The following C21orf58 variants were observed in gnomAD, a reference collection of about 807,000 sequenced individuals.
The protein encoded by C21orf58 is chromosome 21 open reading frame 58, also known as uncharacterized protein C21orf58.
C21orf58 carries 34 observed loss-of-function variants against 35.8 expected under a neutral mutation model. The ratio of observed to expected loss-of-function variants is 0.95; its 90% CI spans 0.72 to 1.26. C21orf58 has a LOEUF of 1.26. Ranked by LOEUF, C21orf58 falls within the 50% of genes most tolerant of loss-of-function variation. C21orf58 has a pLI of 0.00. For missense variants in C21orf58, 440 were observed against 414.3 expected (o/e 1.06, Z -0.54); for synonymous variants, 191 against 175.8 (o/e 1.09, Z -0.68).
chr21:46,310,492 A>T (rs1015240195), intron 6 of C21orf58, among the ~76,000 whole-genome samples: 7 of 146,586 alleles, frequency 4.8e-5, no homozygotes, highest in African/African-American at 1.9e-4. Context: ...CAAAAAAAAT[A>T]AAAATAAAAA....
At chr21:46,318,823 AG>A (rs1452028136) in intron 1 of C21orf58, 1 of 987,348 alleles carries the variant, frequency 1.0e-6, no homozygotes, top group Non-Finnish European at 1.2e-6. Context: ...TCAAGTTTGC[AG>A]GAAGCTTCGC....
chr21:46,317,084 C>A (rs569676257), intron 3 of C21orf58, 124 bp downstream of exon 3: 2 of 748,854 alleles, frequency 2.7e-6, no homozygotes, highest in African/African-American at 1.8e-5. Flanking sequence ...ACAATCTCGC[C>A]GGTACCAGGA....
chr21:46,305,666 G>A lies in C21orf58; in HGVS notation c.722-3090C>T, dbSNP rs539559669. Among the ~76,000 whole-genome samples the A allele has an allele frequency of 3.8e-3, 581 of 152,192 alleles. 16 individuals are homozygous for A. In the South Asian group the frequency reaches 0.056, roughly 15 times the overall value. The stretch of plus-strand genomic sequence containing the variant: ...TTTAAAAAAAGAATCTTGGCCGGGC[G>A]CGGTGGCTCACGCCTGTAATCCCAG... On this transcript the variant is annotated intron_variant, in intron 6 of 7. Transcript: ENST00000291691.
chr21:46,300,676 C>T, downstream of C21orf58: 1 of 1,276,204 alleles, frequency 7.8e-7, no homozygotes, highest in Non-Finnish European at 1.0e-6. Flanking sequence ...CCCTGGGGAG[C>T]TCTGCAGCTC....
Position 46,315,241 on chromosome 21 carries a change from G to C in C21orf58, c.444+233C>G, listed in dbSNP as rs543981387. The C allele has an allele frequency of 2.7e-5, 16 of 596,974 alleles. No individual in the cohort carries two copies. The East Asian group carries it at 4.5e-4, about 17-fold the overall frequency. 37.0% of individuals were successfully genotyped at this position (596,974 alleles called of 1,614,324 possible). ...TGAGTGCCGTGGGAGCAAACCTCCA[G>C]GCATCCCAGAATTTCAGGTCCTCCT... is the stretch of plus-strand genomic sequence containing the variant. On this transcript the variant is annotated intron_variant, in intron 4 of 7. Transcript: ENST00000291691.
chr21:46,321,140 T>C (rs1436506385), intron 1 of C21orf58, among the ~76,000 whole-genome samples: 1 of 152,130 alleles, frequency 6.6e-6, no homozygotes, highest in Non-Finnish European at 1.5e-5. Flanking sequence ...CTTATTAACA[T>C]CTTACCTTAG....
intron 5 of C21orf58, 48 bp from the exon 6 acceptor site, chr21:46,311,615 G>C: frequency 8.6e-7 from 1 of 1,162,748 alleles, no homozygotes; most frequent in Non-Finnish European, 1.3e-6. Flanking sequence ...CTTGAAGAAA[G>C]TGTCTCCAGT....
chr21:46,311,382 C>T, intron 6 of C21orf58, 74 bp downstream of exon 6: 1 of 859,580 alleles, frequency 1.2e-6, no homozygotes, highest in Non-Finnish European at 1.8e-6. Flanking sequence ...AGTGACTGTC[C>T]TGCTTCCAGG....
At chr21:46,310,682 G>A (rs1262299441) in intron 6 of C21orf58, among the ~76,000 whole-genome samples, 1 of 150,036 alleles carries the variant, frequency 6.7e-6, no homozygotes, top group Non-Finnish European at 1.5e-5. Flanking sequence ...GGTGGTGCAG[G>A]CCTACAGTTC....
At chr21:46,303,791 G>A (rs1189981300) in intron 6 of C21orf58, among the ~76,000 whole-genome samples, 1 of 121,898 alleles carries the variant, frequency 8.2e-6, no homozygotes, top group African/African-American at 3.2e-5. Flanking sequence ...TTGCTCTGTC[G>A]CCGAGGCTGG....
chr21:46,321,224 A>C (rs1418375366), intron 1 of C21orf58, among the ~76,000 whole-genome samples: 1 of 152,046 alleles, frequency 6.6e-6, no homozygotes, highest in Non-Finnish European at 1.5e-5. Context: ...GCTAGAGTGC[A>C]ATGGTGCAAT....
At chr21:46,302,305 A>T in intron 7 of C21orf58, 151 bp from the exon 8 acceptor site, 1 of 1,342,304 alleles carries the variant, frequency 7.4e-7, no homozygotes, top group South Asian at 1.5e-5. Flanking sequence ...CCCCGCCCCA[A>T]ATTGTGCAAC....
intron 2 of C21orf58, among the ~76,000 whole-genome samples, chr21:46,317,607 C>T (rs577982914): frequency 6.6e-6 from 1 of 152,258 alleles, no homozygotes; most frequent in African/African-American, 2.4e-5. Flanking sequence ...TCACCCCCCA[C>T]CTGAACCCTG....
Position 46,301,971 on chromosome 21 carries a change from C to G in C21orf58, c.*28G>C, listed in dbSNP as rs1180242674. The G allele has an allele frequency of 1.1e-5, 17 of 1,488,894 alleles. No individual in the cohort carries two copies. The Admixed American group carries it at 3.8e-4, about 33-fold the overall frequency. The allele number at this position is 1,488,894 out of a possible 1,614,324, so 92.2% of individuals were successfully genotyped here. A position where few individuals can be genotyped will look rare whatever the true frequency, so the allele number is the denominator to read the frequency against. ...TGAGGAAGCCTGGGGGTGGAGGGTGCCCCGGCCAGGGTCTCTGTGACTCAC... is the reference window on the plus strand; with the variant it reads ...TGAGGAAGCCTGGGGGTGGAGGGTGGCCCGGCCAGGGTCTCTGTGACTCAC... On this transcript the variant is annotated 3_prime_UTR_variant, in exon 8 of 8. Transcript: ENST00000291691.
chr21:46,321,091 T>C (rs888710921), intron 1 of C21orf58, among the ~76,000 whole-genome samples: 12 of 152,150 alleles, frequency 7.9e-5, no homozygotes, highest in Admixed American at 5.2e-4. Context: ...GAGAAGATAG[T>C]ACATGGAGAT....
intron 6 of C21orf58, among the ~76,000 whole-genome samples, chr21:46,307,046 C>A (rs1345306281): frequency 6.6e-6 from 1 of 152,072 alleles, no homozygotes; most frequent in Non-Finnish European, 1.5e-5. Flanking sequence ...CAGGCGCCCA[C>A]CACCACACCT....
At position 46,316,832 on chromosome 21, in the gene C21orf58, G is replaced by A. The variant is rs112484007; in HGVS notation, c.370+376C>T. Among the ~76,000 whole-genome samples the A allele has an allele frequency of 7.4e-4, 113 of 152,298 alleles. 2 individuals carry two copies. Among genetic ancestry groups the A allele is most frequent in the African/African-American group, 2.5e-3 (103 of 41,574 alleles). ...TGGCCTCCTCAGCTTCTCCCTGGAC[G>A]TCCCCGGGTAACAGTGAGGACAGCA... is the stretch of plus-strand genomic sequence containing the variant. On this transcript the variant is annotated intron_variant, in intron 3 of 7. Coordinates refer to ENST00000291691, the MANE Select transcript of C21orf58 (RefSeq NM_058180.5).
At chr21:46,303,691 C>G (rs1234571690) in intron 6 of C21orf58, among the ~76,000 whole-genome samples, 1 of 114,714 alleles carries the variant, frequency 8.7e-6, no homozygotes, top group Non-Finnish European at 1.8e-5. Flanking sequence ...CACACACACA[C>G]ACACACACAC....
intron 5 of C21orf58, among the ~76,000 whole-genome samples, chr21:46,314,131 G>GT (rs140166854): frequency 4.1e-4 from 59 of 145,104 alleles, no homozygotes; most frequent in African/African-American, 8.2e-4. Flanking sequence ...GCATGATAAA[G>GT]TTTTTTTTTT....
Sources: allele counts gnomAD v4.1 joint callset (sites outside exome capture counted in the v4.1 genomes callset), GRCh38; gene constraint gnomAD v4.1.1; transcripts MANE v1.5; gene names NCBI Gene and HGNC (gene_info 2026-07-23, HGNC 2026-07-21).